Variants in ARNT observed in about 807,000 individuals in gnomAD.
ARNT encodes class E basic helix-loop-helix protein 2.
ARNT carries 30 observed loss-of-function variants against 105.0 expected under a neutral mutation model. That is an observed-to-expected ratio of 0.29 (90% CI 0.21 to 0.39). The LOEUF (loss-of-function observed/expected upper bound fraction) is 0.39, where lower values mean the gene tolerates loss of function less well. Ranked by LOEUF, ARNT falls within the 10% of genes least tolerant of loss-of-function variation. ARNT has a pLI of 1.00. For missense variants in ARNT, 748 were observed against 978.7 expected (o/e 0.76, Z 3.15); for synonymous variants, 304 against 344.0 (o/e 0.88, Z 1.29).
chr1:150,854,260 T>G (rs587760804), intron 2 of ARNT, among the ~76,000 whole-genome samples: 82 of 152,180 alleles, frequency 5.4e-4, no homozygotes, highest in African/African-American at 2.0e-3. Context: ...TAAATTTTTT[T>G]ATTTTAAAAA....
chr1:150,840,967 G>C (rs1440763574), intron 5 of ARNT, among the ~76,000 whole-genome samples: 1 of 14,404 alleles, frequency 6.9e-5, no homozygotes, highest in Non-Finnish European at 1.5e-4. Flanking sequence ...TTTTTTTTTT[G>C]AGATGGAGTC....
intron 3 of ARNT, among the ~76,000 whole-genome samples, chr1:150,850,880 G>A (rs957441189): frequency 2.5e-4 from 38 of 149,504 alleles, no homozygotes; most frequent in Non-Finnish European, 3.9e-4. Flanking sequence ...TGTGGGGAGC[G>A]CCTCTGCCCC....
At chr1:150,841,910 G>A (rs1026525932) in intron 5 of ARNT, among the ~76,000 whole-genome samples, 7 of 152,204 alleles carry the variant, frequency 4.6e-5, no homozygotes, top group Admixed American at 2.6e-4. Context: ...GAAAACTACC[G>A]CAAGAAAGGA....
chr1:150,813,028 T>C, intron 21 of ARNT, 144 bp downstream of exon 21: 1 of 887,138 alleles, frequency 1.1e-6, no homozygotes, highest in South Asian at 1.8e-5. Flanking sequence ...CTGACAGTGA[T>C]CCCTACATTT....
intron 20 of ARNT, 118 bp from the exon 21 acceptor site, chr1:150,813,456 T>A: frequency 9.5e-7 from 1 of 1,047,724 alleles, no homozygotes; most frequent in Non-Finnish European, 1.3e-6. Context: ...AACTCTGTCC[T>A]TCTCTCTGCC....
chr1:150,823,311 A>G lies in ARNT; in HGVS notation c.1277T>C (p.Met426Thr). Residue 426 changes from methionine to threonine, a missense_variant, in exon 14 of 22, where the codon ATG becomes ACG. Transcript: ENST00000358595. ...TTGGTTCTTAGACCGGAACCGGAAC[A>G]TGACAGACAGCACTTGGCCTTTTAA... ...VKLKGQVLSV[M>T]FRFRSKNQEW... 1 of 1,613,410 alleles carries G rather than the reference A, an allele frequency of 6.2e-7. No individual in the cohort carries two copies. Among genetic ancestry groups the G allele is most frequent in the Non-Finnish European group, 8.5e-7 (1 of 1,179,378 alleles).
chr1:150,826,452 G>T, intron 13 of ARNT, 91 bp downstream of exon 13: 1 of 1,006,014 alleles, frequency 9.9e-7, no homozygotes, highest in Non-Finnish European at 1.5e-6. Context: ...AAACTGTAGT[G>T]CCTGCCACAG....
intron 2 of ARNT, among the ~76,000 whole-genome samples, chr1:150,856,020 T>C (rs1214445466): frequency 1.3e-5 from 2 of 152,218 alleles, no homozygotes; most frequent in Non-Finnish European, 2.9e-5. Flanking sequence ...TGTAAAACTA[T>C]ATAATTACAT....
intron 1 of ARNT, among the ~76,000 whole-genome samples, chr1:150,875,863 T>C (rs1342554202): frequency 2.0e-5 from 3 of 152,186 alleles, no homozygotes; most frequent in Non-Finnish European, 2.9e-5. Context: ...CCTGGGGCTG[T>C]GGAACTAAAG....
At position 150,826,688 on chromosome 1, in the gene ARNT, A is replaced by G. The variant is rs1407531933; in HGVS notation, c.1168-71T>C. ...AGATGGAGTTTCGCTCTTGTTGCCC[A>G]GGCTGGAGTACGATGGCGCGATCTT... On this transcript the variant is annotated intron_variant, in intron 12 of 21. Coordinates refer to ENST00000358595, the MANE Select transcript of ARNT (RefSeq NM_001668.4). 8.3e-6 allele frequency: 10 copies of G among 1,206,862 alleles called. No individual in the cohort carries two copies. The Admixed American group carries it at 1.9e-4, about 23-fold the overall frequency. The allele number at this position is 1,206,862 out of a possible 1,614,324, so 74.8% of individuals were successfully genotyped here. A position where few individuals can be genotyped will look rare whatever the true frequency, so the allele number is the denominator to read the frequency against.
At chr1:150,833,283 C>T (rs2101869473) in intron 8 of ARNT, among the ~76,000 whole-genome samples, 1 of 152,298 alleles carries the variant, frequency 6.6e-6, no homozygotes, top group East Asian at 1.9e-4. Flanking sequence ...GCAGGCGAAT[C>T]ACTTGAGGTC....
At chr1:150,855,831 A>G (rs72704656) in intron 2 of ARNT, among the ~76,000 whole-genome samples, 53,519 of 151,214 alleles carry the variant, frequency 0.35, 9,847 homozygotes, top group South Asian at 0.54. Flanking sequence ...CCTGGGCCCA[A>G]GAAGTTGAGG....
At chr1:150,830,025 C>T in intron 10 of ARNT, 45 bp from the exon 11 acceptor site, 1 of 1,594,226 alleles carries the variant, frequency 6.3e-7, no homozygotes, top group Non-Finnish European at 8.6e-7. Flanking sequence ...ACCTCCAACT[C>T]AAATGCCTTC....
At chr1:150,861,379 C>A in intron 1 of ARNT, 1 of 353,598 alleles carries the variant, frequency 2.8e-6, no homozygotes, top group Non-Finnish European at 5.5e-6. Flanking sequence ...CCAGCAATTC[C>A]ACCTCTGGGT....
chr1:150,815,525 T>C (rs904063662), intron 19 of ARNT, among the ~76,000 whole-genome samples: 7 of 131,890 alleles, frequency 5.3e-5, no homozygotes, highest in Non-Finnish European at 7.9e-5. Flanking sequence ...CTCCAGAGCC[T>C]GGGCAACAAA....
At position 150,834,665 on chromosome 1, in the gene ARNT, C is replaced by T. The variant is rs756122904; in HGVS notation, c.701-25G>A. Reference sequence around the variant, plus strand: ...CCTGAAGGAAGATGTGAAGAGCAGTCTGGAGTGCATTTTTGTGTGTGGGGA... The same window carrying T: ...CCTGAAGGAAGATGTGAAGAGCAGTTTGGAGTGCATTTTTGTGTGTGGGGA... On this transcript the variant is annotated intron_variant, in intron 7 of 21. Coordinates refer to ENST00000358595, the MANE Select transcript of ARNT (RefSeq NM_001668.4). The T allele has an allele frequency of 9.3e-6, 15 of 1,605,788 alleles. No individual in the cohort carries two copies. The Admixed American group carries it at 1.8e-4, about 20-fold the overall frequency.
chr1:150,830,653 A>G (rs1659204117), intron 10 of ARNT, among the ~76,000 whole-genome samples: 1 of 152,220 alleles, frequency 6.6e-6, no homozygotes, highest in Non-Finnish European at 1.5e-5. Context: ...GCTTTGCCTA[A>G]TCTGTAACTT....
intron 1 of ARNT, among the ~76,000 whole-genome samples, chr1:150,865,480 ACT>A (rs1369735883): frequency 4.6e-5 from 7 of 152,184 alleles, no homozygotes; most frequent in Admixed American, 4.6e-4. Flanking sequence ...AGTCCAGGTA[ACT>A]CTGGGTATGC....
chr1:150,856,956 A>G (rs1340827024), intron 2 of ARNT, among the ~76,000 whole-genome samples: 5 of 149,402 alleles, frequency 3.3e-5, no homozygotes, highest in Non-Finnish European at 7.4e-5. Context: ...TGTCTCTAAA[A>G]AAACCAAAAA....
Sources: allele counts gnomAD v4.1 joint callset (sites outside exome capture counted in the v4.1 genomes callset), GRCh38; gene constraint gnomAD v4.1.1; transcripts MANE v1.5; gene names NCBI Gene and HGNC (gene_info 2026-07-23, HGNC 2026-07-21).